EPHA6: variants seen among roughly 807,000 people sequenced by gnomAD.
EPHA6 encodes the protein ephrin type-A receptor 6.
A neutral mutation model predicts 112.0 loss-of-function variants in EPHA6; 50 were observed. The ratio of observed to expected loss-of-function variants is 0.45; its 90% CI spans 0.36 to 0.56. The LOEUF (loss-of-function observed/expected upper bound fraction) is 0.56, where lower values mean the gene tolerates loss of function less well. Ranked by LOEUF, EPHA6 falls within the 20% of genes least tolerant of loss-of-function variation. The probability of loss-of-function intolerance (pLI) is 0.00; values close to 1 mark genes in which losing one functional copy is unlikely to be tolerated. For synonymous variants in EPHA6, 529 were observed against 490.7 expected (o/e 1.08, Z -1.03); for missense variants, 1,280 against 1,417.4 (o/e 0.90, Z 1.56).
intron 5 of EPHA6, among the ~76,000 whole-genome samples, chr3:97,338,817 C>T (rs2083176444): frequency 6.6e-6 from 1 of 152,114 alleles, no homozygotes; most frequent in Non-Finnish European, 1.5e-5. Context: ...AAAGGGTGAA[C>T]AAGACTTAAT....
chr3:97,695,745 T>A (rs1353463434), intron 14 of EPHA6, among the ~76,000 whole-genome samples: 1 of 152,194 alleles, frequency 6.6e-6, no homozygotes, highest in Non-Finnish European at 1.5e-5. Context: ...TTTATCATGT[T>A]GGCCAGGATA....
At chr3:97,368,317 G>C (rs1445642550) in intron 5 of EPHA6, among the ~76,000 whole-genome samples, 1 of 151,940 alleles carries the variant, frequency 6.6e-6, no homozygotes, top group Non-Finnish European at 1.5e-5. Context: ...CTCTTAAAAG[G>C]TATTATGTGA....
chr3:97,107,579 A>T (rs2047605131), intron 3 of EPHA6, among the ~76,000 whole-genome samples: 1 of 151,798 alleles, frequency 6.6e-6, no homozygotes. Context: ...TCTAACTTCT[A>T]ACTAAGTTAT....
At chr3:97,426,454 T>C (rs1015382206) in intron 6 of EPHA6, among the ~76,000 whole-genome samples, 2 of 152,194 alleles carry the variant, frequency 1.3e-5, no homozygotes, top group Admixed American at 1.3e-4. Context: ...GGCCCTGTCA[T>C]TGACATGTGG....
At chr3:97,405,857 T>C (rs922410791) in intron 6 of EPHA6, among the ~76,000 whole-genome samples, 1 of 152,160 alleles carries the variant, frequency 6.6e-6, no homozygotes, top group Non-Finnish European at 1.5e-5. Context: ...ATTTCCATTT[T>C]TGTCATACAT....
chr3:97,392,183 A>T (rs1005848795), intron 5 of EPHA6, among the ~76,000 whole-genome samples: 1 of 151,870 alleles, frequency 6.6e-6, no homozygotes, highest in Non-Finnish European at 1.5e-5. Context: ...TATATCTTAG[A>T]ATAAATATTC....
intron 3 of EPHA6, among the ~76,000 whole-genome samples, chr3:97,138,791 CT>C (rs2075824768): frequency 6.6e-6 from 1 of 152,238 alleles, no homozygotes; most frequent in African/African-American, 2.4e-5. Flanking sequence ...AGGGTGTGGC[CT>C]GATAGTCATG....
chr3:96,978,216 G>A (rs906974734), intron 2 of EPHA6, among the ~76,000 whole-genome samples: 5 of 152,214 alleles, frequency 3.3e-5, no homozygotes, highest in African/African-American at 1.2e-4. Flanking sequence ...TCATTAAATG[G>A]AACTGGACGA....
At chr3:97,235,866 G>A (rs896398243) in intron 4 of EPHA6, among the ~76,000 whole-genome samples, 1 of 151,910 alleles carries the variant, frequency 6.6e-6, no homozygotes, top group Non-Finnish European at 1.5e-5. Context: ...CTGCAGGTTT[G>A]GGCTTCCTTG....
At position 97,544,638 on chromosome 3, in the gene EPHA6, A is replaced by G. The variant is rs190093488; in HGVS notation, c.2386+12095A>G. Among the ~76,000 whole-genome samples the G allele has an allele frequency of 8.1e-3, 1,230 of 152,212 alleles. 19 individuals are homozygous for G. Among genetic ancestry groups the G allele is most frequent in the Middle Eastern group, 0.014 (4 of 294 alleles). ...GTTAGGGAGGATTCACTCTTTTTCT[A>G]TTGATTAGAATAGTTTCAGAAGGAA... On this transcript the variant is annotated intron_variant, in intron 11 of 17. Transcript: ENST00000389672.
chr3:97,121,988 T>C (rs989537861), intron 3 of EPHA6, among the ~76,000 whole-genome samples: 5 of 152,062 alleles, frequency 3.3e-5, no homozygotes, highest in African/African-American at 7.2e-5. Flanking sequence ...TATAACCACT[T>C]GATGCTTATA....
intron 5 of EPHA6, among the ~76,000 whole-genome samples, chr3:97,260,881 T>A (rs1029916352): frequency 6.6e-6 from 1 of 152,194 alleles, no homozygotes; most frequent in Non-Finnish European, 1.5e-5. Context: ...GGAACTGAAA[T>A]CATTGGCACA....
chr3:97,427,071 A>G (rs549444209), intron 6 of EPHA6, among the ~76,000 whole-genome samples: 9 of 152,220 alleles, frequency 5.9e-5, no homozygotes, highest in Non-Finnish European at 1.0e-4. Flanking sequence ...GAGAAAAAGG[A>G]ACACTTATGC....
chr3:97,009,922 T>A, intron 3 of EPHA6: 1 of 473,710 alleles, frequency 2.1e-6, no homozygotes, highest in Non-Finnish European at 4.0e-6. Context: ...AGCCTTCTAG[T>A]CAATTTTGAT....
chr3:97,572,710 AGAC>A (rs2093346615), intron 11 of EPHA6: 12 of 152,172 alleles, frequency 7.9e-5, no homozygotes, highest in Non-Finnish European at 1.8e-4. Flanking sequence ...GGCTCAGAAG[AGAC>A]CAACTTTCCT....
At chr3:97,645,744 C>T (rs578243561) in intron 14 of EPHA6, among the ~76,000 whole-genome samples, 3 of 151,906 alleles carry the variant, frequency 2.0e-5, no homozygotes, top group African/African-American at 7.2e-5. Context: ...TCCCTTGATA[C>T]GTATATATTT....
At chr3:97,631,070 C>T (rs1257980980) in intron 13 of EPHA6, among the ~76,000 whole-genome samples, 1 of 151,896 alleles carries the variant, frequency 6.6e-6, no homozygotes, top group Admixed American at 6.6e-5. Context: ...ATTCTAATTC[C>T]TCCAGATGAT....
intron 14 of EPHA6, among the ~76,000 whole-genome samples, chr3:97,671,233 G>C (rs577486865): frequency 6.6e-6 from 1 of 152,138 alleles, no homozygotes; most frequent in Non-Finnish European, 1.5e-5. Context: ...TGAGATTTGA[G>C]ATATAATGAC....
At chr3:97,206,563 G>A (rs550035847) in intron 3 of EPHA6, among the ~76,000 whole-genome samples, 1 of 152,014 alleles carries the variant, frequency 6.6e-6, no homozygotes, top group South Asian at 2.1e-4. Flanking sequence ...AAAAGGTCCA[G>A]TTAAAATGCC....
Sources: gnomAD v4.1 joint callset for allele counts (sites outside exome capture counted in the v4.1 genomes callset) on GRCh38, gnomAD v4.1.1 for gene constraint, MANE v1.5 for transcripts, NCBI Gene and HGNC (gene_info 2026-07-23, HGNC 2026-07-21) for gene names.